SLC16A1: variants seen among roughly 807,000 people sequenced by gnomAD.
SLC16A1 encodes monocarboxylate transporter 1.
SLC16A1 carries 11 observed loss-of-function variants against 32.2 expected under a neutral mutation model. The ratio of observed to expected loss-of-function variants is 0.34; its 90% CI spans 0.21 to 0.56. The LOEUF is 0.56. SLC16A1 is among the 20% of genes least tolerant of loss of function. SLC16A1 has a pLI of 0.87. For missense variants in SLC16A1, 435 were observed against 615.0 expected (o/e 0.71, Z 3.10); for synonymous variants, 231 against 226.8 (o/e 1.02, Z -0.17).
chr1:112,913,067 T>A lies in SLC16A1; in HGVS notation c.*824A>T, dbSNP rs1441834456. 2.0e-5 allele frequency: 3 copies of A among 152,260 alleles called. No individual in the cohort carries two copies. Among genetic ancestry groups the A allele is most frequent in the African/African-American group, 7.2e-5 (3 of 41,474 alleles). 9.4% of individuals were successfully genotyped at this position (152,260 alleles called of 1,614,324 possible). The stretch of plus-strand genomic sequence containing the variant: ...CACAAATATGTAGTTCTGTAGATTT[T>A]AATACTAACTTTTCCAGTAAGAAAA... On this transcript the variant is annotated 3_prime_UTR_variant, in exon 5 of 5. Coordinates refer to ENST00000369626, the MANE Select transcript of SLC16A1 (RefSeq NM_003051.4).
intron 3 of SLC16A1, among the ~76,000 whole-genome samples, chr1:112,918,772 C>T (rs1289758520): frequency 6.6e-6 from 1 of 152,114 alleles, no homozygotes; most frequent in African/African-American, 2.4e-5. Context: ...AACTGCACTC[C>T]ATCCTGGGCT....
intron 1 of SLC16A1, among the ~76,000 whole-genome samples, chr1:112,934,673 AAAAG>A (rs1464589021): frequency 1.3e-5 from 2 of 151,070 alleles, no homozygotes; most frequent in South Asian, 2.1e-4. Context: ...CTAGACGGTT[AAAAG>A]AAAGAGGAAG....
intron 4 of SLC16A1, among the ~76,000 whole-genome samples, chr1:112,916,816 G>C (rs1230413001): frequency 6.6e-6 from 1 of 151,840 alleles, no homozygotes; most frequent in Admixed American, 6.6e-5. Flanking sequence ...TGTAATCCCA[G>C]CTACCGGGAG....
At chr1:112,932,837 T>G (rs1356599263) in intron 1 of SLC16A1, among the ~76,000 whole-genome samples, 1 of 99,970 alleles carries the variant, frequency 1.0e-5, no homozygotes, top group African/African-American at 3.7e-5. Context: ...AAATAAATAA[T>G]AAATAAAGTT....
At chr1:112,923,876 C>G in intron 2 of SLC16A1, 1 of 1,517,884 alleles carries the variant, frequency 6.6e-7, no homozygotes. Context: ...ACGCCACCAC[C>G]CAGCAGGTGA....
In SLC16A1 at chr1:112,922,138, A is replaced by G; in HGVS notation, c.218-5T>C. 6.2e-7 allele frequency: 1 copy of G among 1,613,922 alleles called. No individual in the cohort carries two copies. Among genetic ancestry groups the G allele is most frequent in the Non-Finnish European group, 8.5e-7 (1 of 1,179,936 alleles). On this transcript the variant is annotated splice_region_variant and splice_polypyrimidine_tract_variant and intron_variant, in intron 2 of 4. Transcript: ENST00000369626. ...CCAGGATACTGCTGATAGGACCTAA[A>G]AGACAACCAAAAATGTAGTAATATA...
intron 1 of SLC16A1, among the ~76,000 whole-genome samples, chr1:112,953,747 C>A (rs1476002040): frequency 6.6e-6 from 1 of 152,126 alleles, no homozygotes; most frequent in African/African-American, 2.4e-5. Flanking sequence ...TTCTTTCCAC[C>A]CATCATCACT....
intron 1 of SLC16A1, among the ~76,000 whole-genome samples, chr1:112,953,411 C>T (rs1649967886): frequency 1.3e-5 from 2 of 152,186 alleles, no homozygotes. Context: ...GATCCACCCG[C>T]CTTGGCCTCC....
At chr1:112,940,580 C>T (rs1290957243) in intron 1 of SLC16A1, among the ~76,000 whole-genome samples, 1 of 151,892 alleles carries the variant, frequency 6.6e-6, no homozygotes, top group Non-Finnish European at 1.5e-5. Flanking sequence ...TTCAGCACTA[C>T]AGTAAATTCT....
intron 3 of SLC16A1, among the ~76,000 whole-genome samples, chr1:112,920,962 C>A (rs550421989): frequency 9.9e-4 from 150 of 151,798 alleles, no homozygotes; most frequent in African/African-American, 3.3e-3. Context: ...GCGATGAAAC[C>A]CCGTCTCTAC....
intron 1 of SLC16A1, among the ~76,000 whole-genome samples, chr1:112,934,727 G>A (rs757230669): frequency 2.6e-5 from 4 of 152,158 alleles, no homozygotes; most frequent in Non-Finnish European, 4.4e-5. Context: ...ACAAGAGGAG[G>A]ACAGAAGATT....
At chr1:112,924,253 C>G in intron 2 of SLC16A1, 1 of 1,501,524 alleles carries the variant, frequency 6.7e-7, no homozygotes, top group South Asian at 1.1e-5. Flanking sequence ...TTGGCAGCGG[C>G]AGAGGAAGGG....
At chr1:112,918,169 T>C (rs1648588347) in intron 3 of SLC16A1, 125 bp from the exon 4 acceptor site, 1 of 725,718 alleles carries the variant, frequency 1.4e-6, no homozygotes, top group African/African-American at 1.9e-5. Flanking sequence ...TGTTATGTAG[T>C]GGTTTAAAGT....
intron 1 of SLC16A1, among the ~76,000 whole-genome samples, chr1:112,930,950 C>T (rs1248011704): frequency 6.6e-6 from 1 of 152,170 alleles, no homozygotes; most frequent in Non-Finnish European, 1.5e-5. Context: ...AACTCCTGAC[C>T]TCAGGTGATC....
chr1:112,946,530 A>G (rs1293123258), intron 1 of SLC16A1, among the ~76,000 whole-genome samples: 3 of 152,106 alleles, frequency 2.0e-5, no homozygotes, highest in Non-Finnish European at 4.4e-5. Flanking sequence ...AAAGAAGCAG[A>G]AAAGTTTTTG....
chr1:112,929,274 G>A lies in SLC16A1; in HGVS notation c.35C>T (p.Thr12Ile), dbSNP rs1266321772. 3 of 1,613,956 alleles carry A rather than the reference G, an allele frequency of 1.9e-6. No individual in the cohort carries two copies. Among genetic ancestry groups the A allele is most frequent in the African/African-American group, 1.3e-5 (1 of 74,908 alleles). The change falls in exon 2 of 5, where the codon ACC (threonine) becomes ATC (isoleucine). Residue 12 changes from threonine (T) to isoleucine (I), a missense_variant. Coordinates refer to ENST00000369626, the MANE Select transcript of SLC16A1 (RefSeq NM_003051.4). ...PPAVGGPVGYTPPDGGWGWAV... is the reference protein window; with the variant it reads ...PPAVGGPVGYIPPDGGWGWAV... ...CCAGCCCCAGCCTCCATCTGGGGGGGTGTATCCAACTGGACCTCCAACTGC... is the reference window on the plus strand; with the variant it reads ...CCAGCCCCAGCCTCCATCTGGGGGGATGTATCCAACTGGACCTCCAACTGC...
intron 1 of SLC16A1, among the ~76,000 whole-genome samples, chr1:112,930,443 C>A (rs1051014813): frequency 2.0e-5 from 3 of 151,806 alleles, no homozygotes; most frequent in African/African-American, 7.3e-5. Context: ...ACCTAGCTCT[C>A]GAGTAAATGA....
At chr1:112,953,613 A>G (rs1649977007) in intron 1 of SLC16A1, among the ~76,000 whole-genome samples, 1 of 151,990 alleles carries the variant, frequency 6.6e-6, no homozygotes, top group Non-Finnish European at 1.5e-5. Flanking sequence ...CATACTGTCT[A>G]TCTCTTCAAC....
chr1:112,917,860 C>T lies in SLC16A1; in HGVS notation c.546G>A (p.Gly182=), dbSNP rs746135562. The T allele has an allele frequency of 1.4e-5, 23 of 1,612,536 alleles. No homozygotes were observed. The highest frequency in any genetic ancestry group is 6.7e-5 in the African/African-American group (5 of 74,798). ...CAACACAGCAGTTTAGTAGCAAGCC[C>T]CCAAGAATTAGAAAGCTTCCTCTCC... ...FGWRGSFLIL[G]GLLLNCCVAG... Residue 182 remains glycine (G), a synonymous_variant, in exon 4 of 5, where the codon GGG becomes GGA. Transcript: ENST00000369626. The surrounding 1 kb of genome is among the most constrained non-coding windows in gnomAD (Gnocchi z 4.1).
Sources: allele counts gnomAD v4.1 joint callset (sites outside exome capture counted in the v4.1 genomes callset), GRCh38; gene constraint gnomAD v4.1.1; non-coding constraint Gnocchi (gnomAD v3.1); transcripts MANE v1.5; gene names NCBI Gene and HGNC (gene_info 2026-07-23, HGNC 2026-07-21).